TIAM1: variants seen among roughly 807,000 people sequenced by gnomAD.
The protein encoded by TIAM1 is rho guanine nucleotide exchange factor TIAM1.
A neutral mutation model predicts 163.5 loss-of-function variants in TIAM1; 65 were observed. The ratio of observed to expected loss-of-function variants is 0.40; its 90% CI spans 0.33 to 0.49. The LOEUF is 0.49. Among genes scored for constraint, TIAM1 ranks in the 20% least tolerant of loss-of-function variants. TIAM1 has a pLI of 0.77. For missense variants in TIAM1, 1,789 were observed against 2,044.7 expected (o/e 0.87, Z 2.41); for synonymous variants, 833 against 810.1 (o/e 1.03, Z -0.48).
intron 6 of TIAM1, among the ~76,000 whole-genome samples, chr21:31,240,124 T>C (rs536974321): frequency 1.3e-5 from 2 of 152,258 alleles, no homozygotes; most frequent in East Asian, 3.9e-4. Flanking sequence ...GGCCTGGGAC[T>C]GTCCTCGCTT....
At chr21:31,393,587 C>A (rs71321387) in intron 2 of TIAM1, among the ~76,000 whole-genome samples, 6,691 of 152,242 alleles carry the variant, frequency 0.044, 334 homozygotes, top group African/African-American at 0.12. Flanking sequence ...TCTCCACCAC[C>A]ACTGAGAACC....
Position 31,413,264 on chromosome 21 carries a change from C to CTTTTTTTTTTT in TIAM1, c.-369+50708_-369+50718dup, listed in dbSNP as rs397866519. Among the ~76,000 whole-genome samples the CTTTTTTTTTTT allele has an allele frequency of 2.3e-3, 203 of 87,872 alleles. 1 individual carries two copies. The highest frequency in any genetic ancestry group is 3.7e-3 in the East Asian group (10 of 2,718). The allele number at this position is 87,872 out of a possible 152,430, so 57.6% of individuals were successfully genotyped here. ...TTTCTTTTTTCTTTTCTTTTCTTTTCTTTTTTTTTTTTTTTTTTTTTTTGA... is the reference window on the plus strand; with the variant it reads ...TTTCTTTTTTCTTTTCTTTTCTTTTCTTTTTTTTTTTTTTTTTTTTTTTTTTTTTTTTTTGA... On this transcript the variant is annotated intron_variant, in intron 2 of 28. Coordinates refer to the TIAM1 transcript ENST00000286827.
At chr21:31,557,534 T>C (rs1014204899) in intron 1 of TIAM1, among the ~76,000 whole-genome samples, 6 of 152,100 alleles carry the variant, frequency 3.9e-5, no homozygotes, top group Admixed American at 2.6e-4. Context: ...AGCTTGTGAG[T>C]GACACCGAGC....
intron 16 of TIAM1, among the ~76,000 whole-genome samples, chr21:31,154,656 G>A (rs1363763628): frequency 1.3e-5 from 2 of 152,194 alleles, no homozygotes; most frequent in Non-Finnish European, 2.9e-5. Flanking sequence ...CCTAGTGCCG[G>A]TCTAATGCAT....
chr21:31,153,519 G>A (rs569022726), intron 17 of TIAM1, among the ~76,000 whole-genome samples: 1 of 152,160 alleles, frequency 6.6e-6, no homozygotes, highest in Non-Finnish European at 1.5e-5. Flanking sequence ...TGATTTAAAA[G>A]ACTAAGATAT....
chr21:31,126,964 T>C, intron 26 of TIAM1, 101 bp downstream of exon 26: 1 of 1,161,388 alleles, frequency 8.6e-7, no homozygotes, highest in Non-Finnish European at 1.3e-6. Flanking sequence ...GATGTTACAG[T>C]ACAAACAACG....
At chr21:31,497,851 C>A (rs1238627019) in intron 1 of TIAM1, among the ~76,000 whole-genome samples, 1 of 152,130 alleles carries the variant, frequency 6.6e-6, no homozygotes, top group African/African-American at 2.4e-5. Flanking sequence ...GCATTCCAGA[C>A]AAGTAAAGCT....
chr21:31,198,915 C>T (rs2086031993), intron 12 of TIAM1, among the ~76,000 whole-genome samples: 1 of 152,152 alleles, frequency 6.6e-6, no homozygotes, highest in African/African-American at 2.4e-5. Flanking sequence ...GTGAACAAAA[C>T]TAAAACTATA....
intron 2 of TIAM1, among the ~76,000 whole-genome samples, chr21:31,388,236 CACACACACACACACACACACACA>C (rs1310216744): frequency 2.7e-5 from 3 of 110,374 alleles, no homozygotes; most frequent in Non-Finnish European, 6.0e-5. Context: ...CACACACACA[CACACACACACACACACACACACA>C]ACCTCTTACG....
At chr21:31,300,900 C>T (rs2074472023) in intron 2 of TIAM1, among the ~76,000 whole-genome samples, 1 of 152,178 alleles carries the variant, frequency 6.6e-6, no homozygotes, top group Non-Finnish European at 1.5e-5. Flanking sequence ...ACTTTTGAGG[C>T]ATAATCAAAT....
At chr21:31,160,644 G>T in intron 16 of TIAM1, 1 of 396,738 alleles carries the variant, frequency 2.5e-6, no homozygotes, top group Non-Finnish European at 4.4e-6. Context: ...GCTCTGAAGA[G>T]AGCATCCTCT....
chr21:31,167,002 T>C (rs1169636200), intron 15 of TIAM1, among the ~76,000 whole-genome samples: 1 of 151,924 alleles, frequency 6.6e-6, no homozygotes, highest in Non-Finnish European at 1.5e-5. Flanking sequence ...TGCAGAGAAA[T>C]GCTGTAACCC....
At chr21:31,279,812 G>A (rs531246256) in intron 2 of TIAM1, among the ~76,000 whole-genome samples, 33 of 152,278 alleles carry the variant, frequency 2.2e-4, no homozygotes, top group African/African-American at 6.0e-4. Context: ...CATAAAGAAT[G>A]TGCTACAGAA....
intron 9 of TIAM1, among the ~76,000 whole-genome samples, chr21:31,217,079 C>T (rs145858765): frequency 3.0e-4 from 45 of 152,094 alleles, no homozygotes; most frequent in East Asian, 2.5e-3. Flanking sequence ...TGGTGGTGGG[C>T]ACCTGTAGTC....
intron 2 of TIAM1, among the ~76,000 whole-genome samples, chr21:31,336,480 G>GC (rs1336219481): frequency 7.0e-6 from 1 of 142,210 alleles, no homozygotes; most frequent in Non-Finnish European, 1.5e-5. Flanking sequence ...TTTTAGAATT[G>GC]CCCCTTGCTT....
chr21:31,201,658 C>T (rs1421230545), intron 12 of TIAM1, among the ~76,000 whole-genome samples: 2 of 152,158 alleles, frequency 1.3e-5, no homozygotes, highest in African/African-American at 4.8e-5. Context: ...ATCATGCTTC[C>T]CTTTTCCAAA....
intron 6 of TIAM1, among the ~76,000 whole-genome samples, chr21:31,231,977 A>C (rs1396116620): frequency 1.3e-5 from 2 of 151,606 alleles, no homozygotes; most frequent in African/African-American, 4.9e-5. Flanking sequence ...ATGCCACAGT[A>C]CTCTACCCTG....
chr21:31,369,761 G>A (rs887923741), intron 2 of TIAM1, among the ~76,000 whole-genome samples: 8 of 151,994 alleles, frequency 5.3e-5, no homozygotes, highest in African/African-American at 2.4e-5. Context: ...AGGCTGAGGC[G>A]GGTGGATCAC....
At chr21:31,188,055 C>A (rs897027462) in intron 13 of TIAM1, among the ~76,000 whole-genome samples, 3 of 151,538 alleles carry the variant, frequency 2.0e-5, no homozygotes, top group Admixed American at 6.6e-5. Flanking sequence ...GAAAAAAAAA[C>A]AAGCAGGCAA....
Sources: allele counts gnomAD v4.1 joint callset (sites outside exome capture counted in the v4.1 genomes callset), GRCh38; gene constraint gnomAD v4.1.1; transcripts MANE v1.5; gene names NCBI Gene and HGNC (gene_info 2026-07-23, HGNC 2026-07-21).